The following RBFOX3 variants were observed in gnomAD, a reference collection of about 807,000 sequenced individuals.
The protein encoded by RBFOX3 is RNA binding fox-1 homolog 3.
A neutral mutation model predicts 48.7 loss-of-function variants in RBFOX3; 17 were observed. The observed-to-expected ratio is 0.35, with a 90% confidence interval of 0.24 to 0.52. The LOEUF is 0.52. Ranked by LOEUF, RBFOX3 falls within the 20% of genes least tolerant of loss-of-function variation. The pLI is 0.94. For synonymous variants in RBFOX3, 212 were observed against 209.5 expected (o/e 1.01, Z -0.10); for missense variants, 382 against 497.5 (o/e 0.77, Z 2.21).
At chr17:79,545,445 T>G (rs578261487) in intron 1 of RBFOX3, among the ~76,000 whole-genome samples, 1 of 152,314 alleles carries the variant, frequency 6.6e-6, no homozygotes. Flanking sequence ...GACCACCCCA[T>G]GCCCTCTGCC....
intron 1 of RBFOX3, among the ~76,000 whole-genome samples, chr17:79,529,837 T>C (rs938029913): frequency 2.8e-4 from 43 of 152,200 alleles, no homozygotes; most frequent in African/African-American, 9.4e-4. Flanking sequence ...CAAACCCAGC[T>C]CCCCCAGTTC....
chr17:79,574,654 C>T (rs1344633958), intron 1 of RBFOX3, among the ~76,000 whole-genome samples: 40 of 152,212 alleles, frequency 2.6e-4, no homozygotes, highest in African/African-American at 9.4e-4. Context: ...AAGTATACTC[C>T]GTTGAGTAGC....
chr17:79,474,988 C>T (rs2077526516), intron 2 of RBFOX3, among the ~76,000 whole-genome samples: 1 of 152,210 alleles, frequency 6.6e-6, no homozygotes, highest in Non-Finnish European at 1.5e-5. Context: ...CTCTACAACG[C>T]CTCCCTCTCC....
intron 14 of RBFOX3, chr17:79,092,449 T>C: frequency 3.0e-6 from 3 of 985,666 alleles, no homozygotes; most frequent in Non-Finnish European, 3.6e-6. Flanking sequence ...AAATAATCTA[T>C]AGATTTTAGA....
the RBFOX3 span, among the ~76,000 whole-genome samples, chr17:79,653,980 A>G: frequency 9.2e-5 from 14 of 152,086 alleles, no homozygotes; most frequent in African/African-American, 3.4e-4. Flanking sequence ...AATTCATACA[A>G]GTTGTTTGGT....
At chr17:79,211,014 G>C (rs1278823472) in intron 4 of RBFOX3, among the ~76,000 whole-genome samples, 1 of 151,110 alleles carries the variant, frequency 6.6e-6, no homozygotes, top group Non-Finnish European at 1.5e-5. Flanking sequence ...CACAGCAAGA[G>C]GTGGGGTGCG....
intron 2 of RBFOX3, among the ~76,000 whole-genome samples, chr17:79,397,812 C>T (rs950504265): frequency 3.3e-5 from 5 of 152,140 alleles, no homozygotes; most frequent in South Asian, 2.1e-4. Flanking sequence ...CAGGCCACAG[C>T]GGTGGGCAGG....
intron 2 of RBFOX3, among the ~76,000 whole-genome samples, chr17:79,408,888 T>TATC (rs1471177465): frequency 1.3e-5 from 2 of 152,298 alleles, no homozygotes; most frequent in East Asian, 3.9e-4. Context: ...TATCATTTAG[T>TATC]ATCATTTAAT....
chr17:79,171,388 A>G (rs1396764201), intron 4 of RBFOX3, among the ~76,000 whole-genome samples: 2 of 152,256 alleles, frequency 1.3e-5, no homozygotes, highest in Non-Finnish European at 2.9e-5. Context: ...ACGAGGGGCC[A>G]GAGAGCAAAT....
chr17:79,201,631 C>T (rs1001706468), intron 4 of RBFOX3, among the ~76,000 whole-genome samples: 5 of 152,208 alleles, frequency 3.3e-5, no homozygotes, highest in Non-Finnish European at 7.3e-5. Context: ...TTTTCTGGAA[C>T]ACGGAAAGTG....
At position 79,111,188 on chromosome 17, in the gene RBFOX3, G is replaced by A. The variant is rs1424660701; in HGVS notation, c.222+4306C>T. On this transcript the variant is annotated intron_variant, in intron 5 of 14. Coordinates refer to ENST00000693108, the MANE Select transcript of RBFOX3 (RefSeq NM_001350451.2). The surrounding 1 kb of genome is among the most constrained non-coding windows in gnomAD (Gnocchi z 4.2). ...GTCACTGGGCAGAGAGGCCTCCAGGGACCTGGGCGCACAGGCATCTATGCC... is the reference window on the plus strand; with the variant it reads ...GTCACTGGGCAGAGAGGCCTCCAGGAACCTGGGCGCACAGGCATCTATGCC... 1.3e-5 allele frequency among the ~76,000 whole-genome samples: 2 copies of A among 152,244 alleles called. No individual in the cohort carries two copies. Among genetic ancestry groups the A allele is most frequent in the Non-Finnish European group, 1.5e-5 (1 of 68,042 alleles).
intron 3 of RBFOX3, among the ~76,000 whole-genome samples, chr17:79,268,154 T>C (rs1168459870): frequency 5.5e-5 from 3 of 54,194 alleles, no homozygotes; most frequent in African/African-American, 1.1e-4. Flanking sequence ...GCAGGGAGAG[T>C]GGCTTCTCGT....
At chr17:79,579,558 C>T (rs1244018659) in intron 1 of RBFOX3, among the ~76,000 whole-genome samples, 4 of 151,970 alleles carry the variant, frequency 2.6e-5, no homozygotes, top group African/African-American at 4.8e-5. Context: ...ATCCAGCACG[C>T]GCGAGTGATG....
intron 3 of RBFOX3, among the ~76,000 whole-genome samples, chr17:79,296,560 C>T (rs935553401): frequency 2.6e-5 from 4 of 152,060 alleles, no homozygotes; most frequent in South Asian, 2.1e-4. Flanking sequence ...CCCGGGGAGC[C>T]GGGCTCCCAG....
At position 79,212,075 on chromosome 17, in the gene RBFOX3, C is replaced by T. The variant is rs570107644; in HGVS notation, c.-34+23691G>A. Among the ~76,000 whole-genome samples the T allele has an allele frequency of 2.9e-4, 44 of 152,346 alleles. No individual in the cohort carries two copies. The highest frequency in any genetic ancestry group is 1.0e-3 in the African/African-American group (43 of 41,594). On this transcript the variant is annotated intron_variant, in intron 4 of 14. Coordinates refer to ENST00000693108, the MANE Select transcript of RBFOX3 (RefSeq NM_001350451.2). This position sits in a 1 kb window ranked among gnomAD's most constrained non-coding sequence, Gnocchi z 4.7. Reference sequence around the variant, plus strand: ...GCCAGCACCCTCCCTCCTGGAGTCCCGCTGCATTGGGGAAATTGACCAGCG... The same window carrying T: ...GCCAGCACCCTCCCTCCTGGAGTCCTGCTGCATTGGGGAAATTGACCAGCG...
At chr17:79,621,486 C>A in the RBFOX3 span, among the ~76,000 whole-genome samples, 1 of 152,178 alleles carries the variant, frequency 6.6e-6, no homozygotes, top group African/African-American at 2.4e-5. Flanking sequence ...AGTAAAAGCA[C>A]GTCTCTACCA....
chr17:79,543,652 G>A (rs889528447), intron 1 of RBFOX3, among the ~76,000 whole-genome samples: 40 of 152,256 alleles, frequency 2.6e-4, no homozygotes, highest in African/African-American at 8.7e-4. Flanking sequence ...AACAGCGAGC[G>A]AGGTAGATGA....
rs1036038657 is a variant in RBFOX3, at chr17:79,174,373, A to G, written c.-33-58625T>C. On this transcript the variant is annotated intron_variant, in intron 4 of 14. Coordinates refer to ENST00000693108, the MANE Select transcript of RBFOX3 (RefSeq NM_001350451.2). ...CACACGTGCACACAGACACATGCGC[A>G]CACACACACATCCACAATGTACTCT... 7.3e-5 allele frequency among the ~76,000 whole-genome samples: 11 copies of G among 151,634 alleles called. 1 individual carries two copies. The South Asian group carries it at 8.3e-4, about 11-fold the overall frequency.
chr17:79,097,668 T>TGCCCCCCCC, intron 10 of RBFOX3, 24 bp downstream of exon 10: 1 of 1,010,930 alleles, frequency 9.9e-7, no homozygotes, highest in Non-Finnish European at 1.4e-6. Context: ...TCTCATCCCA[T>TGCCCCCCCC]CCCCGCCCCG....
Sources: allele counts gnomAD v4.1 joint callset (sites outside exome capture counted in the v4.1 genomes callset), GRCh38; gene constraint gnomAD v4.1.1; non-coding constraint Gnocchi (gnomAD v3.1); transcripts MANE v1.5; gene names NCBI Gene and HGNC (gene_info 2026-07-23, HGNC 2026-07-21).